Variants in SLC71A2 observed in about 807,000 individuals in gnomAD.
The protein encoded by SLC71A2 is solute carrier family 71 member 2.
the SLC71A2 span, among the ~76,000 whole-genome samples, chr9:94,413,024 ACCT>A: frequency 6.6e-6 from 1 of 152,120 alleles, no homozygotes; most frequent in African/African-American, 2.4e-5. Context: ...AAAATGTATA[ACCT>A]CAATCTAATC....
chr9:94,426,504 G>T, the SLC71A2 span, among the ~76,000 whole-genome samples: 792 of 152,062 alleles, frequency 5.2e-3, 3 homozygotes, highest in Non-Finnish European at 8.9e-3. Flanking sequence ...CATCTGTTCT[G>T]TATCATCCAG....
the SLC71A2 span, among the ~76,000 whole-genome samples, chr9:94,377,533 CT>C: frequency 0.3 from 32,690 of 107,476 alleles, 4,028 homozygotes; most frequent in East Asian, 0.45. Flanking sequence ...CCATGCCTGG[CT>C]TTTTTTTTTT....
the SLC71A2 span, among the ~76,000 whole-genome samples, chr9:94,388,409 A>G: frequency 3.3e-5 from 5 of 152,234 alleles, no homozygotes; most frequent in Non-Finnish European, 7.3e-5. Flanking sequence ...TCTTCAAGGA[A>G]CTTACTGTAA....
chr9:94,445,436 A>C, the SLC71A2 span, among the ~76,000 whole-genome samples: 3 of 152,124 alleles, frequency 2.0e-5, no homozygotes, highest in African/African-American at 4.8e-5. Flanking sequence ...TTGGGAAGAG[A>C]GTTTCTTTTT....
the SLC71A2 span, among the ~76,000 whole-genome samples, chr9:94,402,141 C>G: frequency 2.6e-5 from 4 of 152,126 alleles, no homozygotes; most frequent in South Asian, 8.3e-4. Flanking sequence ...ATCTTGTGCT[C>G]CCTATCTTCA....
the SLC71A2 span, chr9:94,454,191 T>C: frequency 1.5e-5 from 10 of 663,790 alleles, no homozygotes; most frequent in Non-Finnish European, 2.7e-5. Context: ...GTATTCAACA[T>C]TGCAGAAACC....
At chr9:94,411,594 T>C in the SLC71A2 span, among the ~76,000 whole-genome samples, 1 of 94,930 alleles carries the variant, frequency 1.1e-5, no homozygotes, top group South Asian at 2.4e-4. Flanking sequence ...CGTTAGCCGA[T>C]TTTTTTTTTT....
the SLC71A2 span, among the ~76,000 whole-genome samples, chr9:94,434,379 G>A: frequency 2.6e-5 from 4 of 152,162 alleles, no homozygotes; most frequent in East Asian, 3.8e-4. Flanking sequence ...GCAGTGGTGC[G>A]ATCTCAGCTT....
At chr9:94,450,932 AACAT>A in the SLC71A2 span, among the ~76,000 whole-genome samples, 1 of 152,318 alleles carries the variant, frequency 6.6e-6, no homozygotes, top group South Asian at 2.1e-4. Context: ...GAGCTTTTAA[AACAT>A]ACCTGTGCCC....
chr9:94,427,416 A>C, the SLC71A2 span, among the ~76,000 whole-genome samples: 10 of 151,780 alleles, frequency 6.6e-5, no homozygotes, highest in African/African-American at 2.2e-4. Flanking sequence ...ATTACATGAG[A>C]TCTATTTAGT....
the SLC71A2 span, among the ~76,000 whole-genome samples, chr9:94,450,269 A>T: frequency 6.6e-6 from 1 of 152,162 alleles, no homozygotes; most frequent in African/African-American, 2.4e-5. Context: ...GAGAATCCCT[A>T]AATCTACATT....
the SLC71A2 span, among the ~76,000 whole-genome samples, chr9:94,398,320 A>G: frequency 6.6e-6 from 1 of 150,908 alleles, no homozygotes; most frequent in African/African-American, 2.5e-5. Context: ...CTGGGGAGGA[A>G]GAAAGTTTTT....
At chr9:94,456,190 GCTC>G in the SLC71A2 span, 1 of 1,285,934 alleles carries the variant, frequency 7.8e-7, no homozygotes, top group South Asian at 1.2e-5. Flanking sequence ...CGAATAGTGA[GCTC>G]CTTGAGGTTG....
At chr9:94,386,399 A>G in the SLC71A2 span, among the ~76,000 whole-genome samples, 1 of 151,414 alleles carries the variant, frequency 6.6e-6, no homozygotes, top group African/African-American at 2.4e-5. Context: ...ACTCAGCACT[A>G]TGTGAGTGAA....
the SLC71A2 span, among the ~76,000 whole-genome samples, chr9:94,396,564 C>T: frequency 6.6e-6 from 1 of 152,076 alleles, no homozygotes; most frequent in East Asian, 1.9e-4. Flanking sequence ...GGTTGGCAAA[C>T]TTTTTTTGTA....
the SLC71A2 span, among the ~76,000 whole-genome samples, chr9:94,390,169 G>A: frequency 0.29 from 43,332 of 151,436 alleles, 7,787 homozygotes; most frequent in East Asian, 0.56. Flanking sequence ...AGCCGAGATC[G>A]CGCCACTGCA....
chr9:94,451,209 C>T, the SLC71A2 span, among the ~76,000 whole-genome samples: 4 of 152,142 alleles, frequency 2.6e-5, no homozygotes, highest in Non-Finnish European at 4.4e-5. Flanking sequence ...GTATATAAAA[C>T]AACAGGTAGA....
At chr9:94,436,556 G>A in the SLC71A2 span, among the ~76,000 whole-genome samples, 1 of 152,144 alleles carries the variant, frequency 6.6e-6, no homozygotes, top group Non-Finnish European at 1.5e-5. Context: ...GTACGAGGAA[G>A]CTCTCTTCTT....
chr9:94,389,859 C>T, the SLC71A2 span, among the ~76,000 whole-genome samples: 3 of 150,346 alleles, frequency 2.0e-5, no homozygotes, highest in Non-Finnish European at 4.4e-5. Flanking sequence ...GCTCCCACCT[C>T]GGCCTCCCAA....
Sources: gnomAD v4.1 joint callset for allele counts (sites outside exome capture counted in the v4.1 genomes callset) on GRCh38, gnomAD v4.1.1 for gene constraint, MANE v1.5 for transcripts, NCBI Gene and HGNC (gene_info 2026-07-23, HGNC 2026-07-21) for gene names.